SERINC5: variants seen among roughly 807,000 people sequenced by gnomAD.
SERINC5 encodes the protein chromosome 5 open reading frame 12.
SERINC5 carries 41 observed loss-of-function variants against 63.1 expected under a neutral mutation model. The ratio of observed to expected loss-of-function variants is 0.65; its 90% confidence interval spans 0.51 to 0.84. The LOEUF (loss-of-function observed/expected upper bound fraction) is 0.84. SERINC5 is among the 40% of genes least tolerant of loss of function. The probability of loss-of-function intolerance (pLI) is 0.00; values close to 1 mark genes in which losing one functional copy is unlikely to be tolerated. For missense variants in SERINC5, 523 were observed against 573.0 expected (o/e 0.91, Z 0.89); for synonymous variants, 222 against 215.2 (o/e 1.03, Z -0.28).
At position 80,160,181 on chromosome 5, in the gene SERINC5, C is replaced by T. The variant is rs1171244941; in HGVS notation, c.860-1219G>A. 6.6e-5 allele frequency among the ~76,000 whole-genome samples: 10 copies of T among 152,128 alleles called. 1 individual carries two copies. Among genetic ancestry groups the T allele is most frequent in the African/African-American group, 7.2e-5 (3 of 41,426 alleles). ...AGCATCCGAATTGGATTGGAGGACACCCAACTGATGTCCACTGCCTGCTTG... is the reference window on the plus strand; with the variant it reads ...AGCATCCGAATTGGATTGGAGGACATCCAACTGATGTCCACTGCCTGCTTG... On this transcript the variant is annotated intron_variant, in intron 7 of 11. Coordinates refer to ENST00000507668, the MANE Select transcript of SERINC5 (RefSeq NM_001174072.3).
Position 80,140,471 on chromosome 5 carries a change from C to T in SERINC5, c.*3192G>A. 1 of 984,574 alleles carries T rather than the reference C, an allele frequency of 1.0e-6. No homozygotes were observed. The highest frequency in any genetic ancestry group is 1.2e-6 in the Non-Finnish European group (1 of 829,404). 61.0% of individuals were successfully genotyped at this position (984,574 alleles called of 1,614,324 possible). ...ACCCCAAAACCCCAATAACTCCACCCTCCCCACAACCCACCCCCACTCTAT... is the reference window on the plus strand; with the variant it reads ...ACCCCAAAACCCCAATAACTCCACCTTCCCCACAACCCACCCCCACTCTAT... On this transcript the variant is annotated 3_prime_UTR_variant, in exon 12 of 12. Coordinates refer to ENST00000507668, the MANE Select transcript of SERINC5 (RefSeq NM_001174072.3).
chr5:80,132,525 A>G (rs1377664473), intron 11 of SERINC5, among the ~76,000 whole-genome samples: 2 of 152,070 alleles, frequency 1.3e-5, no homozygotes, highest in East Asian at 1.9e-4. Context: ...GACTTGGTAT[A>G]TAAGTGCTTC....
intron 1 of SERINC5, among the ~76,000 whole-genome samples, chr5:80,250,131 G>GA (rs1208271494): frequency 2.6e-5 from 4 of 152,294 alleles, no homozygotes; most frequent in Admixed American, 1.3e-4. Context: ...AAGAAGAGAG[G>GA]AAACATCCTT....
At chr5:80,168,684 C>G (rs747556369) in intron 6 of SERINC5, among the ~76,000 whole-genome samples, 1 of 152,208 alleles carries the variant, frequency 6.6e-6, no homozygotes, top group Non-Finnish European at 1.5e-5. Context: ...TATACCCTGG[C>G]TTAAGAAACC....
In SERINC5 at chr5:80,256,016, A is replaced by G. The variant is rs1752672219; in HGVS notation, c.-94T>C. ...CGCCTCGAGCGCTGGGCTCAGCCGC[A>G]GCTCACACTTGAACGAAGATCAGCC... On this transcript the variant is annotated 5_prime_UTR_variant, in exon 1 of 12. Transcript: ENST00000507668. 7.9e-7 allele frequency: 1 copy of G among 1,268,368 alleles called. No homozygotes were observed. The highest frequency in any genetic ancestry group is 1.0e-6 in the Non-Finnish European group (1 of 960,704). 78.6% of individuals were successfully genotyped at this position (1,268,368 alleles called of 1,614,324 possible). A position where few individuals can be genotyped will look rare whatever the true frequency, so the allele number is the denominator to read the frequency against.
At chr5:80,129,697 C>T (rs186966640) in intron 11 of SERINC5, among the ~76,000 whole-genome samples, 119 of 152,334 alleles carry the variant, frequency 7.8e-4, no homozygotes, top group African/African-American at 2.6e-3. Context: ...GCTAGGTTAA[C>T]ATTTCCATAT....
At chr5:80,245,813 C>T (rs1170798042) in intron 1 of SERINC5, among the ~76,000 whole-genome samples, 1 of 151,690 alleles carries the variant, frequency 6.6e-6, no homozygotes, top group African/African-American at 2.4e-5. Context: ...CGGGGCTTCA[C>T]CATGTTGGCC....
At chr5:80,254,860 C>G (rs1752579864) in intron 1 of SERINC5, among the ~76,000 whole-genome samples, 1 of 152,210 alleles carries the variant, frequency 6.6e-6, no homozygotes, top group African/African-American at 2.4e-5. Flanking sequence ...GACAGATTAT[C>G]TGCCAGTATA....
chr5:80,255,801 G>T (rs1752648560), intron 1 of SERINC5, 95 bp downstream of exon 1: 1 of 1,351,528 alleles, frequency 7.4e-7, no homozygotes, highest in South Asian at 1.3e-5. Context: ...TTCGGCCGCG[G>T]AGCTGGGAGC....
chr5:80,228,185 T>G (rs1316745919), intron 1 of SERINC5, among the ~76,000 whole-genome samples: 1 of 142,708 alleles, frequency 7.0e-6, no homozygotes, highest in Non-Finnish European at 1.5e-5. Context: ...CAGTGAGCTA[T>G]GATTTCGGCA....
At chr5:80,131,172 G>A (rs1412009386) in intron 11 of SERINC5, among the ~76,000 whole-genome samples, 3 of 152,112 alleles carry the variant, frequency 2.0e-5, no homozygotes, top group Admixed American at 2.0e-4. Flanking sequence ...GGGGGACCTG[G>A]TGAGAGGTAA....
chr5:80,135,869 G>C (rs1240881666), downstream of SERINC5, among the ~76,000 whole-genome samples: 1 of 150,986 alleles, frequency 6.6e-6, no homozygotes, highest in Non-Finnish European at 1.5e-5. Flanking sequence ...ATCTATGTGG[G>C]AAGAAGCAGA....
chr5:80,116,091 C>A (rs1744312782), intron 11 of SERINC5: 1 of 353,056 alleles, frequency 2.8e-6, no homozygotes, highest in Non-Finnish European at 5.5e-6. Flanking sequence ...GGGTGTGAGG[C>A]AGGGCAGAAA....
rs1354720364 is a variant in SERINC5, at chr5:80,256,030, C to T, written c.-108G>A. 1.7e-6 allele frequency: 2 copies of T among 1,184,488 alleles called. No homozygotes were observed. Among genetic ancestry groups the T allele is most frequent in the East Asian group, 3.1e-5 (1 of 31,940 alleles). 73.4% of individuals were successfully genotyped at this position (1,184,488 alleles called of 1,614,324 possible). On this transcript the variant is annotated 5_prime_UTR_variant, in exon 1 of 12. Coordinates refer to ENST00000507668, the MANE Select transcript of SERINC5 (RefSeq NM_001174072.3). Reference sequence around the variant, plus strand: ...GGCTCAGCCGCAGCTCACACTTGAACGAAGATCAGCCTCGGCGAAGCGCCT... The same window carrying T: ...GGCTCAGCCGCAGCTCACACTTGAATGAAGATCAGCCTCGGCGAAGCGCCT...
intron 1 of SERINC5, among the ~76,000 whole-genome samples, chr5:80,223,273 T>C (rs930581297): frequency 2.0e-5 from 3 of 152,222 alleles, no homozygotes; most frequent in Admixed American, 6.6e-5. Flanking sequence ...AATTCTCATA[T>C]GCTCAAGTCC....
At chr5:80,182,513 T>G (rs1372873771) in intron 2 of SERINC5, among the ~76,000 whole-genome samples, 1 of 144,940 alleles carries the variant, frequency 6.9e-6, no homozygotes, top group African/African-American at 2.5e-5. Flanking sequence ...TCTCTGTAGC[T>G]CAACATGCCA....
chr5:80,219,006 CAG>C (rs1332495648), intron 1 of SERINC5, among the ~76,000 whole-genome samples: 2 of 152,190 alleles, frequency 1.3e-5, no homozygotes, highest in Non-Finnish European at 2.9e-5. Context: ...CTTTAGGATT[CAG>C]TGTCCAATAA....
At chr5:80,198,991 C>T (rs780765387) in intron 2 of SERINC5, among the ~76,000 whole-genome samples, 6 of 152,204 alleles carry the variant, frequency 3.9e-5, no homozygotes, top group Non-Finnish European at 5.9e-5. Context: ...TGCCCACTGC[C>T]ACCACTACCT....
intron 2 of SERINC5, among the ~76,000 whole-genome samples, chr5:80,201,764 G>A (rs6886574): frequency 0.14 from 21,792 of 152,052 alleles, 1,703 homozygotes; most frequent in African/African-American, 0.19. Flanking sequence ...TTCTGTATAC[G>A]CTGACCAAAG....
Sources: gnomAD v4.1 joint callset for allele counts (sites outside exome capture counted in the v4.1 genomes callset) on GRCh38, gnomAD v4.1.1 for gene constraint, MANE v1.5 for transcripts, NCBI Gene and HGNC (gene_info 2026-07-23, HGNC 2026-07-21) for gene names.